TRAK1: variants seen among roughly 807,000 people sequenced by gnomAD.
The protein encoded by TRAK1 is trafficking kinesin protein 1.
A neutral mutation model predicts 92.1 loss-of-function variants in TRAK1; 33 were observed. That is an observed-to-expected ratio of 0.36 (90% CI 0.27 to 0.48). The LOEUF (loss-of-function observed/expected upper bound fraction) is 0.48. TRAK1 is among the 20% of genes least tolerant of loss of function. The probability of loss-of-function intolerance (pLI) is 0.99; values close to 1 mark genes in which losing one functional copy is unlikely to be tolerated. For synonymous variants in TRAK1, 521 were observed against 517.3 expected (o/e 1.01, Z -0.10); for missense variants, 1,123 against 1,257.9 (o/e 0.89, Z 1.62).
At chr3:42,148,746 A>G (rs1420617339) in intron 2 of TRAK1, among the ~76,000 whole-genome samples, 1 of 152,232 alleles carries the variant, frequency 6.6e-6, no homozygotes, top group Non-Finnish European at 1.5e-5. Context: ...ATAGTAGTGC[A>G]TCTAAGTGAA....
chr3:42,178,728 A>G (rs1371307739), intron 3 of TRAK1, among the ~76,000 whole-genome samples: 1 of 152,138 alleles, frequency 6.6e-6, no homozygotes, highest in African/African-American at 2.4e-5. Flanking sequence ...AAATCCCAGC[A>G]CTTTGGGAGG....
At chr3:42,040,680 C>CTTTTT (rs569797970) in intron 1 of TRAK1, among the ~76,000 whole-genome samples, 3,216 of 142,866 alleles carry the variant, frequency 0.023, 57 homozygotes, top group East Asian at 0.053. Flanking sequence ...AGTACTACAC[C>CTTTTT]TTTTTTTTTT....
intron 1 of TRAK1, among the ~76,000 whole-genome samples, chr3:42,018,195 G>A (rs1382836242): frequency 3.3e-5 from 5 of 151,226 alleles, no homozygotes; most frequent in African/African-American, 9.7e-5. Flanking sequence ...TTGAGCCCAA[G>A]AGATTGAGGC....
chr3:42,046,901 T>C (rs550234635), intron 1 of TRAK1, among the ~76,000 whole-genome samples: 11 of 152,326 alleles, frequency 7.2e-5, no homozygotes, highest in African/African-American at 2.6e-4. Context: ...TTGGTATTTA[T>C]TTCCTGAGTG....
intron 1 of TRAK1, among the ~76,000 whole-genome samples, chr3:42,068,373 C>T (rs1243453182): frequency 6.6e-6 from 1 of 152,042 alleles, no homozygotes; most frequent in Non-Finnish European, 1.5e-5. Context: ...ACTATGTTGC[C>T]CAGGCTGGTC....
At chr3:42,147,774 G>A (rs1699496670) in intron 2 of TRAK1, among the ~76,000 whole-genome samples, 2 of 152,198 alleles carry the variant, frequency 1.3e-5, no homozygotes, top group Admixed American at 6.5e-5. Flanking sequence ...TGCAAGCAAG[G>A]CCCAATGATA....
At chr3:42,028,598 C>T (rs893066746) in intron 1 of TRAK1, among the ~76,000 whole-genome samples, 2 of 152,150 alleles carry the variant, frequency 1.3e-5, no homozygotes, top group African/African-American at 2.4e-5. Context: ...GCCATGGGAA[C>T]ATATGGAGGA....
chr3:42,092,394 A>G (rs1290095540), intron 1 of TRAK1, among the ~76,000 whole-genome samples: 1 of 152,188 alleles, frequency 6.6e-6, no homozygotes, highest in Admixed American at 6.5e-5. Flanking sequence ...ATCTTATTGA[A>G]TAAGCCTAAA....
At chr3:42,026,466 A>G (rs760045529) in intron 1 of TRAK1, among the ~76,000 whole-genome samples, 1 of 151,928 alleles carries the variant, frequency 6.6e-6, no homozygotes. Flanking sequence ...TTGTTTGGCT[A>G]ATCACCTCTT....
chr3:42,102,835 G>A (rs1218762683), intron 1 of TRAK1, among the ~76,000 whole-genome samples: 1 of 143,354 alleles, frequency 7.0e-6, no homozygotes, highest in African/African-American at 2.6e-5. Flanking sequence ...CAGCTCGAAA[G>A]TTCTCCAGGG....
chr3:42,214,422 A>G (rs1709426065), intron 14 of TRAK1, among the ~76,000 whole-genome samples: 1 of 152,234 alleles, frequency 6.6e-6, no homozygotes, highest in South Asian at 2.1e-4. Flanking sequence ...GACAGAGGGT[A>G]TAGGGACCAG....
chr3:42,020,908 A>AT (rs1701698701), intron 1 of TRAK1, among the ~76,000 whole-genome samples: 1 of 152,098 alleles, frequency 6.6e-6, no homozygotes, highest in Non-Finnish European at 1.5e-5. Flanking sequence ...ATCAAGGGGC[A>AT]TTTTTTACTT....
intron 13 of TRAK1, among the ~76,000 whole-genome samples, chr3:42,204,985 G>A (rs985388984): frequency 2.6e-5 from 4 of 152,254 alleles, no homozygotes; most frequent in African/African-American, 9.6e-5. Context: ...TGCTGACACA[G>A]AAGTCAGCCT....
intron 1 of TRAK1, among the ~76,000 whole-genome samples, chr3:42,102,287 A>G (rs1706883435): frequency 6.6e-6 from 1 of 152,222 alleles, no homozygotes; most frequent in African/African-American, 2.4e-5. Context: ...CGCCCAGCCA[A>G]AATCTCATTT....
intron 2 of TRAK1, among the ~76,000 whole-genome samples, chr3:42,171,713 G>C (rs751295422): frequency 6.6e-6 from 1 of 151,990 alleles, no homozygotes; most frequent in African/African-American, 2.4e-5. Flanking sequence ...GGTTTTCCTC[G>C]GGGTCTTCAA....
chr3:42,187,525 T>C (rs1336208109), intron 4 of TRAK1, among the ~76,000 whole-genome samples: 1 of 152,112 alleles, frequency 6.6e-6, no homozygotes, highest in African/African-American at 2.4e-5. Flanking sequence ...TGGAGTGCAG[T>C]GGTGTGATCT....
chr3:42,197,014 A>T (rs1409092890), intron 10 of TRAK1, among the ~76,000 whole-genome samples: 60 of 133,740 alleles, frequency 4.5e-4, no homozygotes, highest in African/African-American at 8.9e-4. Context: ...ACACACACAC[A>T]CACACACACA....
chr3:42,208,087 C>T (rs989167828), intron 13 of TRAK1, among the ~76,000 whole-genome samples: 3 of 152,126 alleles, frequency 2.0e-5, no homozygotes, highest in African/African-American at 7.2e-5. Flanking sequence ...GTTGAGAACA[C>T]CGCTCTAGAT....
At chr3:42,208,826 A>G (rs950142978) in intron 13 of TRAK1, among the ~76,000 whole-genome samples, 7 of 152,228 alleles carry the variant, frequency 4.6e-5, no homozygotes, top group African/African-American at 1.4e-4. Flanking sequence ...TGAGGTGTTA[A>G]TAAGTGTTCC....
Sources: gnomAD v4.1 joint callset for allele counts (sites outside exome capture counted in the v4.1 genomes callset) on GRCh38, gnomAD v4.1.1 for gene constraint, MANE v1.5 for transcripts, NCBI Gene and HGNC (gene_info 2026-07-23, HGNC 2026-07-21) for gene names.